Variants in TBXAS1 observed in about 807,000 individuals in gnomAD.
TBXAS1 encodes thromboxane-A synthase.
Under a neutral mutation model 60.7 loss-of-function variants are expected in TBXAS1, and 48 were observed. That is an observed-to-expected ratio of 0.79 (90% CI 0.63 to 1.01). TBXAS1 has a LOEUF of 1.01. Among genes scored for constraint, TBXAS1 ranks in the 50% least tolerant of loss-of-function variants. TBXAS1 has a pLI of 0.00. For synonymous variants in TBXAS1, 287 were observed against 269.7 expected (o/e 1.06, Z -0.63); for missense variants, 685 against 686.3 (o/e 1.00, Z 0.02).
intron 9 of TBXAS1, among the ~76,000 whole-genome samples, chr7:139,970,397 G>A (rs1351879762): frequency 7.9e-5 from 12 of 152,204 alleles, no homozygotes; most frequent in Admixed American, 2.0e-4. Context: ...GTGAGCCACC[G>A]TGCCCGGCCA....
chr7:139,784,597 T>A (rs1170857280), intron 3 of TBXAS1, among the ~76,000 whole-genome samples: 1 of 152,174 alleles, frequency 6.6e-6, no homozygotes, highest in Non-Finnish European at 1.5e-5. Context: ...GATATGAATG[T>A]CTAGGATATG....
intron 3 of TBXAS1, among the ~76,000 whole-genome samples, chr7:139,904,992 TTTCTCTCTTTCTC>T (rs1804871001): frequency 3.1e-5 from 4 of 128,506 alleles, no homozygotes; most frequent in Non-Finnish European, 6.3e-5. Context: ...TCTTTCTCTC[TTTCTCTCTTTCTC>T]TCTTTCTTTC....
intron 3 of TBXAS1, among the ~76,000 whole-genome samples, chr7:139,887,406 C>A (rs1193268014): frequency 6.6e-6 from 1 of 152,090 alleles, no homozygotes; most frequent in Non-Finnish European, 1.5e-5. Context: ...GAAACTTTGT[C>A]CTCATTAAAC....
At position 139,930,073 on chromosome 7, in the gene TBXAS1, C is replaced by A. The variant is rs140172585; in HGVS notation, c.334-6118C>A. On this transcript the variant is annotated intron_variant, in intron 4 of 12. Transcript: ENST00000448866. ...GCCTGCCTCCATCCCTCCCCTCCAG[C>A]CGCGCCACATCCTTAAGGGTCCTCA... 6.2e-3 allele frequency among the ~76,000 whole-genome samples: 939 copies of A among 152,320 alleles called. 5 individuals carry two copies. The highest frequency in any genetic ancestry group is 8.9e-3 in the Non-Finnish European group (605 of 68,024).
chr7:139,961,985 G>A lies in TBXAS1; in HGVS notation c.886G>A (p.Asp296Asn), dbSNP rs200064479. The change falls in exon 9 of 13, where the codon GAC (aspartate) becomes AAC (asparagine). Residue 296 changes from aspartate (D) to asparagine (N), a missense_variant. Coordinates refer to ENST00000448866, the MANE Select transcript of TBXAS1 (RefSeq NM_001061.7). ...TTCTGCAAGTCCCATGGGCGTGCAA[G>A]ACTTTGACATCGTCAGAGACGTTTT... is the stretch of plus-strand genomic sequence containing the variant. ...RHSASPMGVQ[D>N]FDIVRDVFSS... 16 of 1,614,156 alleles carry A rather than the reference G, an allele frequency of 9.9e-6. No homozygotes were observed. The highest frequency in any genetic ancestry group is 3.3e-5 in the Admixed American group (2 of 60,014).
At chr7:139,939,995 C>G (rs532194145) in intron 5 of TBXAS1, among the ~76,000 whole-genome samples, 6 of 152,212 alleles carry the variant, frequency 3.9e-5, no homozygotes, top group African/African-American at 7.2e-5. Context: ...TTCCCGCACC[C>G]GCGGAATCAA....
At position 140,004,612 on chromosome 7, in the gene TBXAS1, G is replaced by A. The variant is rs1035024504; in HGVS notation, c.1135-2479G>A. On this transcript the variant is annotated intron_variant, in intron 9 of 12. Transcript: ENST00000448866. This position sits in a 1 kb window ranked among gnomAD's most constrained non-coding sequence, Gnocchi z 5.1. ...ATGTTCTTTCAGGCCTGGACATACT[G>A]GATGAGCGGGGGGAGTCCAGACCCT... 2.6e-5 allele frequency among the ~76,000 whole-genome samples: 4 copies of A among 152,180 alleles called. No individual in the cohort carries two copies. Among genetic ancestry groups the A allele is most frequent in the Non-Finnish European group, 5.9e-5 (4 of 68,034 alleles).
At chr7:139,951,122 C>A (rs528048823) in intron 5 of TBXAS1, among the ~76,000 whole-genome samples, 4 of 152,124 alleles carry the variant, frequency 2.6e-5, no homozygotes, top group African/African-American at 9.7e-5. Context: ...TCAGAACACA[C>A]GGCAGGACAA....
At chr7:139,930,393 G>A (rs1807221771) in intron 4 of TBXAS1, among the ~76,000 whole-genome samples, 1 of 151,890 alleles carries the variant, frequency 6.6e-6, no homozygotes, top group Non-Finnish European at 1.5e-5. Context: ...TTTGTGAAGT[G>A]AGTGAAGCCT....
chr7:140,012,680 A>G (rs1814715502), intron 10 of TBXAS1, among the ~76,000 whole-genome samples: 1 of 151,990 alleles, frequency 6.6e-6, no homozygotes, highest in Non-Finnish European at 1.5e-5. Flanking sequence ...GCTGGTCTCC[A>G]GCTCCTGACC....
At chr7:139,796,726 A>C (rs1438435324) in intron 4 of TBXAS1, among the ~76,000 whole-genome samples, 2 of 152,198 alleles carry the variant, frequency 1.3e-5, no homozygotes, top group East Asian at 3.8e-4. Flanking sequence ...AGGAAACTGG[A>C]AGGAGGGCCA....
chr7:139,806,953 G>A (rs1012595435), intron 4 of TBXAS1, among the ~76,000 whole-genome samples: 1 of 152,156 alleles, frequency 6.6e-6, no homozygotes, highest in African/African-American at 2.4e-5. Flanking sequence ...TCTACCTAGG[G>A]GGTTCACAAA....
Position 140,000,540 on chromosome 7 carries a change from T to C in TBXAS1, c.1135-6551T>C, listed in dbSNP as rs999988031. ...ATTGGTTTCTAGATCCTAAACTATA[T>C]GATGGAAAGACTAAGAGACCAAGAA... On this transcript the variant is annotated intron_variant, in intron 9 of 12. Transcript: ENST00000448866. Among the ~76,000 whole-genome samples the C allele has an allele frequency of 3.3e-5, 5 of 152,240 alleles. No individual in the cohort carries two copies. In the East Asian group the frequency reaches 7.7e-4, roughly 24 times the overall value.
intron 3 of TBXAS1, among the ~76,000 whole-genome samples, chr7:139,895,496 C>T (rs553609073): frequency 6.6e-6 from 1 of 152,294 alleles, no homozygotes; most frequent in East Asian, 1.9e-4. Flanking sequence ...TCTCTGTGTT[C>T]CTACTCAGCC....
chr7:140,012,415 A>C (rs1365226170), intron 10 of TBXAS1, among the ~76,000 whole-genome samples: 1 of 151,986 alleles, frequency 6.6e-6, no homozygotes, highest in Non-Finnish European at 1.5e-5. Flanking sequence ...CTCGTCCTAA[A>C]AGGCTCTATC....
At chr7:139,972,534 A>C (rs1811280815) in intron 9 of TBXAS1, among the ~76,000 whole-genome samples, 1 of 152,206 alleles carries the variant, frequency 6.6e-6, no homozygotes, top group Non-Finnish European at 1.5e-5. Flanking sequence ...TAGCTCTTGA[A>C]ATAAAAGAAT....
Position 139,955,310 on chromosome 7 carries a change from C to G in TBXAS1, c.540-149C>G, listed in dbSNP as rs186834893. ...AGGAGCCCATCTCCCTCCACCTCCC[C>G]CCAGATCTGCAGAAGCTCCTCTTCC... On this transcript the variant is annotated intron_variant, in intron 6 of 12. Transcript: ENST00000448866. 2,570 of 1,053,326 alleles carry G rather than the reference C, an allele frequency of 2.4e-3. 38 individuals are homozygous for G. The highest frequency in any genetic ancestry group is 0.019 in the South Asian group (1,468 of 77,990). The allele number at this position is 1,053,326 out of a possible 1,614,324, so 65.2% of individuals were successfully genotyped here.
chr7:139,973,864 A>G (rs1480019503), intron 9 of TBXAS1, among the ~76,000 whole-genome samples: 4 of 151,962 alleles, frequency 2.6e-5, no homozygotes, highest in Non-Finnish European at 5.9e-5. Flanking sequence ...AATGTTCCCT[A>G]TAGGAGGAAT....
At chr7:139,871,555 C>T (rs1178681020) in intron 1 of TBXAS1, among the ~76,000 whole-genome samples, 2 of 152,136 alleles carry the variant, frequency 1.3e-5, no homozygotes, top group East Asian at 1.9e-4. Context: ...CTCAGACTGC[C>T]GCTTTCTCCT....
Sources: gnomAD v4.1 joint callset for allele counts (sites outside exome capture counted in the v4.1 genomes callset) on GRCh38, gnomAD v4.1.1 for gene constraint, Gnocchi (gnomAD v3.1) non-coding constraint, MANE v1.5 for transcripts, NCBI Gene and HGNC (gene_info 2026-07-23, HGNC 2026-07-21) for gene names.